The following CFAP95 variants were observed in gnomAD, a reference collection of about 807,000 sequenced individuals.
CFAP95 encodes cilia- and flagella-associated protein 95.
At chr9:69,862,107 C>A in the CFAP95 span, among the ~76,000 whole-genome samples, 2 of 152,280 alleles carry the variant, frequency 1.3e-5, no homozygotes, top group South Asian at 2.1e-4. Context: ...GAGAGCCTAA[C>A]CTGCAGCAAA....
At chr9:69,848,088 G>A in the CFAP95 span, among the ~76,000 whole-genome samples, 52 of 152,274 alleles carry the variant, frequency 3.4e-4, 1 homozygote, top group South Asian at 6.0e-3. Context: ...TGGAGAGTGT[G>A]CTCTAAGTCT....
the CFAP95 span, among the ~76,000 whole-genome samples, chr9:69,870,709 G>A: frequency 4.1e-4 from 62 of 152,336 alleles, no homozygotes; most frequent in Non-Finnish European, 7.5e-4. Flanking sequence ...AGACAAGGGA[G>A]AAGGGAATTT....
chr9:69,835,624 C>T, the CFAP95 span, among the ~76,000 whole-genome samples: 15 of 152,306 alleles, frequency 9.8e-5, no homozygotes, highest in Non-Finnish European at 5.9e-5. Flanking sequence ...AATGTAAGAA[C>T]ATTCATCTAA....
At chr9:69,871,780 T>A in the CFAP95 span, among the ~76,000 whole-genome samples, 1 of 152,088 alleles carries the variant, frequency 6.6e-6, no homozygotes, top group Non-Finnish European at 1.5e-5. Flanking sequence ...AGATTACTGA[T>A]CTGTCCCAAC....
chr9:69,845,510 A>G, the CFAP95 span, among the ~76,000 whole-genome samples: 1 of 152,202 alleles, frequency 6.6e-6, no homozygotes, highest in East Asian at 1.9e-4. Flanking sequence ...GTGTAAAAAG[A>G]CGCATAATTC....
chr9:69,859,279 CTG>C, the CFAP95 span, among the ~76,000 whole-genome samples: 1 of 152,036 alleles, frequency 6.6e-6, no homozygotes, highest in African/African-American at 2.4e-5. Flanking sequence ...ACTTTCCTCT[CTG>C]TTTCTTCAAC....
chr9:69,883,381 C>T, the CFAP95 span, among the ~76,000 whole-genome samples: 2 of 152,036 alleles, frequency 1.3e-5, no homozygotes, highest in South Asian at 2.1e-4. Context: ...TTGGGGCTGA[C>T]ATCTCTCTGG....
chr9:69,897,227 A>T, the CFAP95 span, among the ~76,000 whole-genome samples: 1 of 152,262 alleles, frequency 6.6e-6, no homozygotes, highest in Non-Finnish European at 1.5e-5. Context: ...TAAGCTTACT[A>T]ACTCAAATAT....
the CFAP95 span, among the ~76,000 whole-genome samples, chr9:69,891,534 A>C: frequency 6.6e-6 from 1 of 151,920 alleles, no homozygotes; most frequent in Non-Finnish European, 1.5e-5. Context: ...CTTATTAAAG[A>C]AATATCTAAA....
the CFAP95 span, among the ~76,000 whole-genome samples, chr9:69,873,776 A>G: frequency 6.6e-6 from 1 of 152,186 alleles, no homozygotes; most frequent in African/African-American, 2.4e-5. Context: ...TAGACAAAAC[A>G]GAAAAGAAAC....
the CFAP95 span, among the ~76,000 whole-genome samples, chr9:69,833,404 G>A: frequency 6.6e-6 from 1 of 152,184 alleles, no homozygotes; most frequent in Admixed American, 6.5e-5. Flanking sequence ...GTTTCGCCAT[G>A]TTGGGCAGGC....
chr9:69,883,529 G>A, the CFAP95 span, among the ~76,000 whole-genome samples: 1 of 152,186 alleles, frequency 6.6e-6, no homozygotes, highest in African/African-American at 2.4e-5. Flanking sequence ...ACTTTAAAAT[G>A]GTGGTGTTTG....
chr9:69,881,702 A>T, the CFAP95 span, among the ~76,000 whole-genome samples: 319 of 152,258 alleles, frequency 2.1e-3, 2 homozygotes, highest in African/African-American at 7.2e-3. Flanking sequence ...TCCATAAAAG[A>T]TGTCATTGGT....
At chr9:69,901,229 C>G in the CFAP95 span, among the ~76,000 whole-genome samples, 1 of 151,940 alleles carries the variant, frequency 6.6e-6, no homozygotes, top group Non-Finnish European at 1.5e-5. Flanking sequence ...GCTCCGCCCC[C>G]TGGGATCACG....
the CFAP95 span, chr9:69,906,007 G>A: frequency 1.9e-6 from 3 of 1,612,664 alleles, no homozygotes; most frequent in Non-Finnish European, 2.5e-6. Flanking sequence ...GCCGTTCTCA[G>A]TTCACGGATC....
At chr9:69,860,598 C>A in the CFAP95 span, among the ~76,000 whole-genome samples, 2 of 85,872 alleles carry the variant, frequency 2.3e-5, no homozygotes, top group African/African-American at 8.7e-5. Flanking sequence ...TTACTTTATA[C>A]CTTTTCTTTT....
At chr9:69,865,858 A>G in the CFAP95 span, among the ~76,000 whole-genome samples, 1 of 152,206 alleles carries the variant, frequency 6.6e-6, no homozygotes, top group Non-Finnish European at 1.5e-5. Context: ...CTTATTATGT[A>G]CCAGGCACTA....
At chr9:69,858,849 G>T in the CFAP95 span, among the ~76,000 whole-genome samples, 1 of 152,126 alleles carries the variant, frequency 6.6e-6, no homozygotes, top group Admixed American at 6.5e-5. Flanking sequence ...GTTTGTTTTG[G>T]CAGGGAAGCA....
chr9:69,839,804 A>G, the CFAP95 span, among the ~76,000 whole-genome samples: 1 of 151,312 alleles, frequency 6.6e-6, no homozygotes, highest in Non-Finnish European at 1.5e-5. Context: ...GGCCAGGCGC[A>G]GTGGCTCCCG....
Sources: gnomAD v4.1 joint callset for allele counts (sites outside exome capture counted in the v4.1 genomes callset) on GRCh38, gnomAD v4.1.1 for gene constraint, MANE v1.5 for transcripts, NCBI Gene and HGNC (gene_info 2026-07-23, HGNC 2026-07-21) for gene names.